BMPR1B: variants seen among roughly 807,000 people sequenced by gnomAD.
BMPR1B encodes the protein bone morphogenetic protein receptor type 1B.
In BMPR1B, 12 loss-of-function variants were observed where a neutral mutation model predicts 59.1. The ratio of observed to expected loss-of-function variants is 0.20; its 90% CI spans 0.13 to 0.33. The LOEUF is 0.33. BMPR1B is among the 10% of genes least tolerant of loss of function. The pLI is 1.00. For synonymous variants in BMPR1B, 237 were observed against 207.3 expected (o/e 1.14, Z -1.23); for missense variants, 550 against 610.9 (o/e 0.90, Z 1.05).
At chr4:95,037,561 A>T (rs1233599829) in intron 3 of BMPR1B, among the ~76,000 whole-genome samples, 1 of 152,202 alleles carries the variant, frequency 6.6e-6, no homozygotes, top group East Asian at 1.9e-4. Context: ...GTATTCTTTT[A>T]AATGAGTGAG....
At chr4:94,963,500 A>G (rs1221960079) in intron 2 of BMPR1B, among the ~76,000 whole-genome samples, 1 of 152,034 alleles carries the variant, frequency 6.6e-6, no homozygotes, top group Non-Finnish European at 1.5e-5. Context: ...TTTTTAATCC[A>G]CTTTTATTTG....
At chr4:94,965,734 A>G (rs1463943270) in intron 2 of BMPR1B, among the ~76,000 whole-genome samples, 1 of 152,172 alleles carries the variant, frequency 6.6e-6, no homozygotes, top group African/African-American at 2.4e-5. Flanking sequence ...TTCAAGTAAA[A>G]TATATTTTGA....
At chr4:95,067,126 GA>G (rs1579020804) in intron 3 of BMPR1B, among the ~76,000 whole-genome samples, 1 of 152,122 alleles carries the variant, frequency 6.6e-6, no homozygotes, top group East Asian at 1.9e-4. Flanking sequence ...AAACTGAAGT[GA>G]TATTTTTATT....
In BMPR1B at chr4:94,838,189, A is replaced by G. The variant is rs1372161324; in HGVS notation, c.-182-37642A>G. On this transcript the variant is annotated intron_variant, in intron 1 of 12. Transcript: ENST00000515059. ...TATTTTATTGAGGATTTTTGCATCA[A>G]TGTTCATCAAGGATATTGGTCTAAT... 8.7e-5 allele frequency among the ~76,000 whole-genome samples: 10 copies of G among 115,544 alleles called. 1 individual carries two copies. The highest frequency in any genetic ancestry group is 1.6e-4 in the Admixed American group (2 of 12,386). The allele number at this position is 115,544 out of a possible 152,430, so 75.8% of individuals were successfully genotyped here.
At chr4:94,899,014 G>T (rs1727700262) in intron 2 of BMPR1B, among the ~76,000 whole-genome samples, 1 of 152,076 alleles carries the variant, frequency 6.6e-6, no homozygotes, top group African/African-American at 2.4e-5. Context: ...GAATCAAGGT[G>T]TCAGCAGGGC....
chr4:94,847,134 A>G (rs1039153843), intron 1 of BMPR1B, among the ~76,000 whole-genome samples: 1 of 152,218 alleles, frequency 6.6e-6, no homozygotes, highest in Admixed American at 6.5e-5. Context: ...GAAAATCTGA[A>G]GAAACATTTC....
At chr4:95,032,656 C>T (rs1446822337) in intron 3 of BMPR1B, among the ~76,000 whole-genome samples, 2 of 152,096 alleles carry the variant, frequency 1.3e-5, no homozygotes, top group Non-Finnish European at 2.9e-5. Context: ...TTCACTTGGC[C>T]TAATATCCTT....
chr4:95,011,741 G>A (rs1248493614), intron 3 of BMPR1B, among the ~76,000 whole-genome samples: 2 of 152,068 alleles, frequency 1.3e-5, no homozygotes, highest in Non-Finnish European at 2.9e-5. Flanking sequence ...AGATGGGGTT[G>A]GGTGCAGTGG....
intron 1 of BMPR1B, among the ~76,000 whole-genome samples, chr4:94,758,569 C>G (rs1322181038): frequency 6.6e-6 from 1 of 152,070 alleles, no homozygotes; most frequent in Non-Finnish European, 1.5e-5. Context: ...CCCGCAGGCA[C>G]CCACCTGCCC....
intron 2 of BMPR1B, among the ~76,000 whole-genome samples, chr4:94,987,332 T>G (rs1003156888): frequency 2.0e-5 from 3 of 150,418 alleles, no homozygotes; most frequent in African/African-American, 7.3e-5. Flanking sequence ...CATATGAAAG[T>G]GTATTTATCA....
Position 94,862,989 on chromosome 4 carries a change from G to A in BMPR1B, c.-182-12842G>A, listed in dbSNP as rs372957021. ...AAAATTTAGCTGGGCATGGTGGTGG[G>A]CGCCTGTAATCCCAGGTACTTGAGA... On this transcript the variant is annotated intron_variant, in intron 1 of 12. Transcript: ENST00000515059. 2.8e-3 allele frequency among the ~76,000 whole-genome samples: 425 copies of A among 150,438 alleles called. 8 individuals carry two copies. In the South Asian group the frequency reaches 0.042, roughly 15 times the overall value.
intron 1 of BMPR1B, among the ~76,000 whole-genome samples, chr4:94,855,933 A>G (rs959047382): frequency 1.1e-4 from 16 of 152,230 alleles, no homozygotes; most frequent in African/African-American, 3.9e-4. Flanking sequence ...TACAGTTAGT[A>G]TTTGTCAAAT....
chr4:95,024,376 G>A (rs13128282), intron 3 of BMPR1B, among the ~76,000 whole-genome samples: 38,529 of 152,066 alleles, frequency 0.25, 6,166 homozygotes, highest in South Asian at 0.42. Context: ...GATTTTCCCC[G>A]CTTTCTAGAA....
intron 1 of BMPR1B, among the ~76,000 whole-genome samples, chr4:94,763,729 G>A (rs191519577): frequency 1.3e-5 from 2 of 152,334 alleles, no homozygotes; most frequent in Non-Finnish European, 2.9e-5. Flanking sequence ...AATGTAAAAT[G>A]TTTCCAAGGA....
Position 94,824,552 on chromosome 4 carries a change from C to T in BMPR1B, c.-182-51279C>T, listed in dbSNP as rs144199185. Among the ~76,000 whole-genome samples the T allele has an allele frequency of 1.1e-3, 165 of 152,238 alleles. 3 individuals are homozygous for T. In the East Asian group the frequency reaches 0.02, roughly 19 times the overall value. On this transcript the variant is annotated intron_variant, in intron 1 of 12. Coordinates refer to ENST00000515059, the MANE Select transcript of BMPR1B (RefSeq NM_001203.3). ...TGTTTTTAAACATTCTGGTTATTTT[C>T]TAAAAAGCTCATTTGAATAAAGAAA...
chr4:95,063,406 TATG>T (rs1367662440), intron 3 of BMPR1B, among the ~76,000 whole-genome samples: 7 of 152,280 alleles, frequency 4.6e-5, no homozygotes, highest in Admixed American at 1.3e-4. Context: ...ATTAAAATAA[TATG>T]ATTATAGCCT....
intron 8 of BMPR1B, among the ~76,000 whole-genome samples, chr4:95,125,718 T>C (rs544353235): frequency 6.6e-6 from 1 of 152,338 alleles, no homozygotes; most frequent in Admixed American, 6.5e-5. Flanking sequence ...GCTCTTGGAA[T>C]TTAAACTGAG....
chr4:94,845,222 T>A (rs1315200841), intron 1 of BMPR1B, among the ~76,000 whole-genome samples: 2 of 152,216 alleles, frequency 1.3e-5, no homozygotes, highest in Non-Finnish European at 2.9e-5. Context: ...GGACTATTTT[T>A]AAAACTACAT....
intron 1 of BMPR1B, among the ~76,000 whole-genome samples, chr4:94,815,528 C>T (rs933527222): frequency 3.3e-5 from 5 of 152,158 alleles, no homozygotes; most frequent in East Asian, 3.8e-4. Context: ...GTGCCACATA[C>T]GTTCTTATTA....
Sources: allele counts gnomAD v4.1 joint callset (sites outside exome capture counted in the v4.1 genomes callset), GRCh38; gene constraint gnomAD v4.1.1; transcripts MANE v1.5; gene names NCBI Gene and HGNC (gene_info 2026-07-23, HGNC 2026-07-21).